The following HSD17B3 variants were observed in gnomAD, a reference collection of about 807,000 sequenced individuals.
HSD17B3 encodes hydroxysteroid 17-beta dehydrogenase 3.
HSD17B3 carries 29 observed loss-of-function variants against 41.1 expected under a neutral mutation model. The ratio of observed to expected loss-of-function variants is 0.71; its 90% CI spans 0.53 to 0.96. HSD17B3 has a LOEUF of 0.96. HSD17B3 is among the 40% of genes least tolerant of loss of function. The pLI, the probability that HSD17B3 is intolerant of heterozygous loss-of-function variation, is 0.00. For missense variants in HSD17B3, 323 were observed against 374.6 expected (o/e 0.86, Z 1.14); for synonymous variants, 126 against 145.6 (o/e 0.87, Z 0.97).
intron 3 of HSD17B3, among the ~76,000 whole-genome samples, 180 bp from the exon 4 acceptor site, chr9:96,253,090 G>T (rs1193031264): frequency 6.6e-6 from 1 of 152,176 alleles, no homozygotes; most frequent in Non-Finnish European, 1.5e-5. Flanking sequence ...TTGGTGAATG[G>T]TGGTTCCTAC....
chr9:96,242,906 T>C (rs965374801), intron 9 of HSD17B3, among the ~76,000 whole-genome samples: 1 of 152,198 alleles, frequency 6.6e-6, no homozygotes, highest in African/African-American at 2.4e-5. Context: ...GAATTGCACT[T>C]CCTGGCCCCC....
rs78656310 is a variant in HSD17B3, at chr9:96,237,269, T to C, written c.823-1699A>G. 3.2e-3 allele frequency among the ~76,000 whole-genome samples: 490 copies of C among 152,244 alleles called. 2 individuals are homozygous for C. The highest frequency in any genetic ancestry group is 0.011 in the African/African-American group (468 of 41,530). Reference sequence around the variant, plus strand: ...TAAAAGAGTCCCTCTTCCATCTCCATCTTTGTCTACCCCTTCCCAGCCTGG... The same window carrying C: ...TAAAAGAGTCCCTCTTCCATCTCCACCTTTGTCTACCCCTTCCCAGCCTGG... On this transcript the variant is annotated intron_variant, in intron 10 of 10. Coordinates refer to ENST00000375263, the MANE Select transcript of HSD17B3 (RefSeq NM_000197.2).
chr9:96,246,449 T>C, intron 7 of HSD17B3, 107 bp downstream of exon 7: 1 of 984,130 alleles, frequency 1.0e-6, no homozygotes, highest in Non-Finnish European at 1.6e-6. Context: ...GCTGTTATCG[T>C]TTGTTAAAGC....
At chr9:96,270,805 A>G (rs912032339) in intron 2 of HSD17B3, among the ~76,000 whole-genome samples, 4 of 152,262 alleles carry the variant, frequency 2.6e-5, no homozygotes, top group African/African-American at 9.6e-5. Flanking sequence ...AATAAAACTC[A>G]GCTAAGCTTT....
intron 2 of HSD17B3, among the ~76,000 whole-genome samples, chr9:96,261,065 C>T (rs1825839694): frequency 6.6e-6 from 1 of 152,190 alleles, no homozygotes; most frequent in South Asian, 2.1e-4. Flanking sequence ...AACAAGTTAA[C>T]ACTGAAATCT....
At chr9:96,268,780 C>A (rs1368211376) in intron 2 of HSD17B3, among the ~76,000 whole-genome samples, 1 of 152,086 alleles carries the variant, frequency 6.6e-6, no homozygotes, top group Non-Finnish European at 1.5e-5. Context: ...AAAACCCTGT[C>A]TCTACTTAAA....
intron 2 of HSD17B3, among the ~76,000 whole-genome samples, chr9:96,260,984 C>T (rs145523238): frequency 1.4e-4 from 22 of 152,176 alleles, no homozygotes; most frequent in Middle Eastern, 6.8e-3. Flanking sequence ...GTTCACTGTG[C>T]GCTCTTATTT....
chr9:96,243,809 C>T (rs1378830332), intron 9 of HSD17B3, among the ~76,000 whole-genome samples: 1 of 152,212 alleles, frequency 6.6e-6, no homozygotes, highest in Non-Finnish European at 1.5e-5. Flanking sequence ...AGAGTGCCTC[C>T]TCCTCACCTG....
chr9:96,268,517 G>C (rs1826121866), intron 2 of HSD17B3, among the ~76,000 whole-genome samples: 1 of 151,838 alleles, frequency 6.6e-6, no homozygotes, highest in Admixed American at 6.6e-5. Flanking sequence ...GTCCCACAAA[G>C]AACACTGCAG....
chr9:96,255,205 T>A (rs1162009995), intron 2 of HSD17B3, among the ~76,000 whole-genome samples: 1 of 152,076 alleles, frequency 6.6e-6, no homozygotes, highest in African/African-American at 2.4e-5. Flanking sequence ...CTTTTCTAAG[T>A]GCTTTCCTTG....
chr9:96,286,946 C>A (rs1826946451), intron 2 of HSD17B3, among the ~76,000 whole-genome samples: 1 of 152,172 alleles, frequency 6.6e-6, no homozygotes, highest in Non-Finnish European at 1.5e-5. Flanking sequence ...TTCTTTTATT[C>A]CTTTACTTTC....
At chr9:96,239,263 AG>A (rs1836342059) in intron 10 of HSD17B3, 1 of 152,324 alleles carries the variant, frequency 6.6e-6, no homozygotes, top group Non-Finnish European at 1.5e-5. Context: ...TGAGAGGGGC[AG>A]GAAGAAGGGA....
intron 2 of HSD17B3, among the ~76,000 whole-genome samples, chr9:96,276,131 A>AAG (rs1826449719): frequency 6.6e-6 from 1 of 150,406 alleles, no homozygotes; most frequent in African/African-American, 2.4e-5. Flanking sequence ...AAAAAAAAAA[A>AAG]ACAGAAGAAA....
chr9:96,250,275 A>G, intron 5 of HSD17B3: 3 of 1,091,456 alleles, frequency 2.7e-6, no homozygotes, highest in Non-Finnish European at 3.4e-6. Flanking sequence ...AAACACAGAC[A>G]CACACAGGCA....
At chr9:96,268,213 C>T (rs1271961074) in intron 2 of HSD17B3, among the ~76,000 whole-genome samples, 2 of 152,178 alleles carry the variant, frequency 1.3e-5, no homozygotes, top group African/African-American at 2.4e-5. Flanking sequence ...GCATGAGTCA[C>T]GCGCCTGGCC....
rs147052605 is a variant in HSD17B3, at chr9:96,245,691, T to C, written c.525-265A>G. Among the ~76,000 whole-genome samples, 711 of 152,292 alleles carry C rather than the reference T, an allele frequency of 4.7e-3. 5 individuals are homozygous for C. Among genetic ancestry groups the C allele is most frequent in the South Asian group, 0.039 (190 of 4,816 alleles). On this transcript the variant is annotated intron_variant, in intron 7 of 10. Coordinates refer to ENST00000375263, the MANE Select transcript of HSD17B3 (RefSeq NM_000197.2). ...ATCATATAATGTGAGGGGCTTGCTCTTGGAAACAGGCTGTGCTACAACTGA... is the reference window on the plus strand; with the variant it reads ...ATCATATAATGTGAGGGGCTTGCTCCTGGAAACAGGCTGTGCTACAACTGA...
chr9:96,266,559 T>A (rs999028941), intron 2 of HSD17B3, among the ~76,000 whole-genome samples: 6 of 152,096 alleles, frequency 3.9e-5, no homozygotes, highest in Non-Finnish European at 8.8e-5. Flanking sequence ...CATGAGCCAC[T>A]GTGCCTAGCC....
intron 2 of HSD17B3, among the ~76,000 whole-genome samples, chr9:96,279,904 G>T (rs553978718): frequency 1.3e-5 from 2 of 152,032 alleles, no homozygotes; most frequent in Non-Finnish European, 2.9e-5. Context: ...CAAGTAGCTG[G>T]GACTATAAGC....
chr9:96,301,817 G>A, intron 1 of HSD17B3, 134 bp downstream of exon 1: 2 of 922,382 alleles, frequency 2.2e-6, no homozygotes, highest in South Asian at 2.7e-5. Context: ...GGAAGCGGAG[G>A]TTGCAGTGAG....
Sources: allele counts gnomAD v4.1 joint callset (sites outside exome capture counted in the v4.1 genomes callset), GRCh38; gene constraint gnomAD v4.1.1; transcripts MANE v1.5; gene names NCBI Gene and HGNC (gene_info 2026-07-23, HGNC 2026-07-21).